Variants in ROBO1 observed in about 807,000 individuals in gnomAD.
ROBO1 encodes the protein roundabout homolog 1.
Under a neutral mutation model 195.9 loss-of-function variants are expected in ROBO1, and 149 were observed. The observed-to-expected ratio is 0.76, with a 90% CI of 0.67 to 0.87. The LOEUF is 0.87. Ranked by LOEUF, ROBO1 falls within the 40% of genes least tolerant of loss-of-function variation. The probability of loss-of-function intolerance (pLI) is 0.00; values close to 1 mark genes in which losing one functional copy is unlikely to be tolerated. For missense variants in ROBO1, 1,933 were observed against 2,068.3 expected (o/e 0.93, Z 1.27); for synonymous variants, 816 against 733.2 (o/e 1.11, Z -1.82).
intron 2 of ROBO1, among the ~76,000 whole-genome samples, chr3:79,381,038 G>A (rs1397443433): frequency 6.6e-6 from 1 of 152,162 alleles, no homozygotes; most frequent in South Asian, 2.1e-4. Context: ...CCAGCAGAGA[G>A]AGCAAGATGA....
intron 2 of ROBO1, among the ~76,000 whole-genome samples, chr3:79,568,096 G>A (rs1943149122): frequency 1.3e-5 from 2 of 151,988 alleles, no homozygotes; most frequent in South Asian, 2.1e-4. Flanking sequence ...TCTCTTTATA[G>A]ACGCACTTTG....
Position 78,635,808 on chromosome 3 carries a change from T to G in ROBO1, c.3338A>C (p.Gln1113Pro). ...GQQKQEVAPV[Q>P]YNIVEQNKLN... ...CTTGTTTTGCTCCACGATGTTGTAC[T>G]GAACTGGTGCCACTTCTTGTTTCTG... Residue 1113 changes from glutamine to proline, a missense_variant, in exon 23 of 31, where the codon CAG becomes CCG. Physicochemically the swap from Gln to Pro is moderately conservative, Grantham distance 76. Transcript: ENST00000464233. 6.2e-7 allele frequency: 1 copy of G among 1,613,858 alleles called. No homozygotes were observed. The highest frequency in any genetic ancestry group is 2.2e-5 in the East Asian group (1 of 44,864).
At chr3:79,061,532 C>T (rs1285932669) in intron 3 of ROBO1, among the ~76,000 whole-genome samples, 1 of 152,206 alleles carries the variant, frequency 6.6e-6, no homozygotes, top group East Asian at 1.9e-4. Context: ...AAGAAAGAGC[C>T]CATATAGCCA....
intron 2 of ROBO1, among the ~76,000 whole-genome samples, chr3:79,385,578 C>A (rs930796207): frequency 3.3e-5 from 5 of 152,096 alleles, no homozygotes; most frequent in Non-Finnish European, 7.4e-5. Context: ...AAATGTGGAA[C>A]CTGAGACTTT....
intron 4 of ROBO1, among the ~76,000 whole-genome samples, chr3:78,912,724 A>C (rs2038321334): frequency 1.3e-5 from 2 of 152,160 alleles, no homozygotes; most frequent in Admixed American, 6.6e-5. Flanking sequence ...AAGCCGTAGA[A>C]AGTTCAGGCT....
chr3:79,173,754 C>G lies in ROBO1; in HGVS notation c.89-48215G>C, dbSNP rs148412872. 4.5e-4 allele frequency among the ~76,000 whole-genome samples: 69 copies of G among 152,260 alleles called. 1 individual carries two copies. Among genetic ancestry groups the G allele is most frequent in the Admixed American group, 8.5e-4 (13 of 15,306 alleles). ...GGCAGCTCCACCTGTGGCCCCAGTGCGGGATCCACTGGGTAAAGTCAGCTG... is the reference window on the plus strand; with the variant it reads ...GGCAGCTCCACCTGTGGCCCCAGTGGGGGATCCACTGGGTAAAGTCAGCTG... On this transcript the variant is annotated intron_variant, in intron 2 of 30. Coordinates refer to ENST00000464233, the MANE Select transcript of ROBO1 (RefSeq NM_002941.4).
intron 1 of ROBO1, among the ~76,000 whole-genome samples, chr3:79,735,950 C>T (rs1015298275): frequency 6.6e-6 from 1 of 150,548 alleles, no homozygotes; most frequent in African/African-American, 2.4e-5. Flanking sequence ...TTGTATCCAA[C>T]AATTATTTAT....
chr3:78,785,263 A>G (rs964519419), intron 4 of ROBO1, among the ~76,000 whole-genome samples: 1 of 152,166 alleles, frequency 6.6e-6, no homozygotes, highest in African/African-American at 2.4e-5. Flanking sequence ...AACAATTAGA[A>G]CACTCTTCTG....
At chr3:78,779,187 T>C (rs1385196800) in intron 4 of ROBO1, among the ~76,000 whole-genome samples, 2 of 152,124 alleles carry the variant, frequency 1.3e-5, no homozygotes, top group Non-Finnish European at 2.9e-5. Flanking sequence ...ATTCAGGACA[T>C]AGGCATGAGC....
intron 3 of ROBO1, among the ~76,000 whole-genome samples, chr3:79,116,228 A>G (rs1043706591): frequency 3.9e-5 from 6 of 152,058 alleles, no homozygotes; most frequent in Non-Finnish European, 7.4e-5. Context: ...ATAACCCACA[A>G]GCCTCTTCCT....
At chr3:79,127,879 C>A (rs1425804015) in intron 2 of ROBO1, among the ~76,000 whole-genome samples, 2 of 152,156 alleles carry the variant, frequency 1.3e-5, no homozygotes, top group African/African-American at 4.8e-5. Context: ...TTGCATTAAT[C>A]AATGAATCTT....
chr3:79,605,830 G>A (rs575434341), intron 1 of ROBO1, among the ~76,000 whole-genome samples: 13 of 151,764 alleles, frequency 8.6e-5, no homozygotes, highest in South Asian at 4.2e-4. Context: ...GACAATTGTC[G>A]CCTAACCAGT....
chr3:79,172,551 T>C (rs1008350184), intron 2 of ROBO1, among the ~76,000 whole-genome samples: 8 of 152,210 alleles, frequency 5.3e-5, no homozygotes, highest in East Asian at 1.9e-4. Context: ...TCTTCAGCTT[T>C]GTTAATTTGG....
chr3:79,746,469 A>G (rs1179776500), intron 1 of ROBO1, among the ~76,000 whole-genome samples: 2 of 152,062 alleles, frequency 1.3e-5, no homozygotes, highest in Non-Finnish European at 2.9e-5. Context: ...TTCCAACATC[A>G]TCTTCTAAAA....
intron 1 of ROBO1, among the ~76,000 whole-genome samples, chr3:79,690,485 C>A (rs1217293403): frequency 6.6e-6 from 1 of 151,938 alleles, no homozygotes; most frequent in Non-Finnish European, 1.5e-5. Context: ...ACCAGATTCT[C>A]CCCTAGAGCC....
At chr3:78,803,669 T>C (rs2084438011) in intron 4 of ROBO1, among the ~76,000 whole-genome samples, 1 of 152,110 alleles carries the variant, frequency 6.6e-6, no homozygotes, top group Non-Finnish European at 1.5e-5. Flanking sequence ...TCTTCACTTT[T>C]TTCCTGTAAG....
Position 78,816,987 on chromosome 3 carries a change from AAAAAAT to A in ROBO1, c.500-70093_500-70088del, listed in dbSNP as rs1312996924. On this transcript the variant is annotated intron_variant, in intron 4 of 30. Transcript: ENST00000464233. ...TACCCTAGAGCTTAAAGTATAATAAAAAAAATAAAATAAAATAAAATAAAACATTAG... is the reference window on the plus strand; with the variant it reads ...TACCCTAGAGCTTAAAGTATAATAAAAAAATAAAATAAAATAAAACATTAG... Among the ~76,000 whole-genome samples the A allele has an allele frequency of 9.2e-5, 14 of 152,208 alleles. No homozygotes were observed. In the South Asian group the frequency reaches 1.0e-3, roughly 11 times the overall value.
chr3:79,106,005 T>C (rs1399879650), intron 3 of ROBO1, among the ~76,000 whole-genome samples: 1 of 151,740 alleles, frequency 6.6e-6, no homozygotes, highest in Non-Finnish European at 1.5e-5. Context: ...ATGTATATAT[T>C]GAAAGTCCTT....
chr3:79,411,275 CAT>C (rs1003583376), intron 2 of ROBO1, among the ~76,000 whole-genome samples: 3 of 152,114 alleles, frequency 2.0e-5, no homozygotes, highest in African/African-American at 7.2e-5. Context: ...TCCTGTAACA[CAT>C]GAGACATATT....
Sources: allele counts gnomAD v4.1 joint callset (sites outside exome capture counted in the v4.1 genomes callset), GRCh38; gene constraint gnomAD v4.1.1; transcripts MANE v1.5; gene names NCBI Gene and HGNC (gene_info 2026-07-23, HGNC 2026-07-21).